GABRG1: variants seen among roughly 807,000 people sequenced by gnomAD.
The protein encoded by GABRG1 is gamma-aminobutyric acid receptor subunit gamma-1.
GABRG1 carries 49 observed loss-of-function variants against 49.8 expected under a neutral mutation model. That is an observed-to-expected ratio of 0.98 (90% CI 0.78 to 1.25). The LOEUF is 1.25. Among genes scored for constraint, GABRG1 ranks in the 50% most tolerant of loss-of-function variants. The probability of loss-of-function intolerance (pLI) is 0.00; values close to 1 mark genes in which losing one functional copy is unlikely to be tolerated. For missense variants in GABRG1, 552 were observed against 552.3 expected (o/e 1.00, Z 0.01); for synonymous variants, 232 against 185.1 (o/e 1.25, Z -2.06).
chr4:46,074,194 A>G lies in GABRG1; in HGVS notation c.322-8610T>C, dbSNP rs1719242816. 3.9e-5 allele frequency among the ~76,000 whole-genome samples: 6 copies of G among 152,284 alleles called. No homozygotes were observed. In the South Asian group the frequency reaches 1.2e-3, roughly 32 times the overall value. The stretch of plus-strand genomic sequence containing the variant: ...TTAATTGCTGTATGATCTGAATGGG[A>G]AAAGTGTTTCTACATCTGTGACTGC... On this transcript the variant is annotated intron_variant, in intron 3 of 8. Coordinates refer to ENST00000295452, the MANE Select transcript of GABRG1 (RefSeq NM_173536.4).
At chr4:46,091,230 A>G (rs1176899423) in intron 2 of GABRG1, among the ~76,000 whole-genome samples, 1 of 152,058 alleles carries the variant, frequency 6.6e-6, no homozygotes, top group Non-Finnish European at 1.5e-5. Context: ...GCAAAATAAA[A>G]GCTTTACCAA....
chr4:46,037,934 C>A lies in GABRG1; in HGVS notation c.*3054G>T, dbSNP rs537771093. On this transcript the variant is annotated 3_prime_UTR_variant, in exon 9 of 9. Coordinates refer to ENST00000295452, the MANE Select transcript of GABRG1 (RefSeq NM_173536.4). ...TTCAATTTTATTCTTGTTCTTGAGACAAAAACATTGTCTATTTTATGATGA... is the reference window on the plus strand; with the variant it reads ...TTCAATTTTATTCTTGTTCTTGAGAAAAAAACATTGTCTATTTTATGATGA... 4 of 151,574 alleles carry A rather than the reference C, an allele frequency of 2.6e-5. No individual in the cohort carries two copies. The highest frequency in any genetic ancestry group is 2.1e-4 in the South Asian group (1 of 4,818). The allele number at this position is 151,574 out of a possible 1,614,324, so 9.4% of individuals were successfully genotyped here.
chr4:46,108,077 A>T (rs1021426761), intron 1 of GABRG1, among the ~76,000 whole-genome samples: 36 of 151,330 alleles, frequency 2.4e-4, no homozygotes, highest in African/African-American at 7.0e-4. Context: ...CAGAAAAATT[A>T]TTATATTAGT....
intron 5 of GABRG1, among the ~76,000 whole-genome samples, chr4:46,059,452 T>A (rs1718586538): frequency 1.3e-5 from 2 of 152,028 alleles, no homozygotes; most frequent in Admixed American, 1.3e-4. Flanking sequence ...AGTGGCACGA[T>A]CTTGGCTCAC....
intron 1 of GABRG1, among the ~76,000 whole-genome samples, chr4:46,111,846 T>TTAA: frequency 6.6e-6 from 1 of 151,290 alleles, no homozygotes; most frequent in Admixed American, 6.6e-5. Flanking sequence ...TGACTCATGA[T>TTAA]AGATTAAAGG....
intron 8 of GABRG1, among the ~76,000 whole-genome samples, chr4:46,042,982 T>C (rs1717840754): frequency 6.6e-6 from 1 of 151,916 alleles, no homozygotes; most frequent in Non-Finnish European, 1.5e-5. Flanking sequence ...CATTCCTAAA[T>C]TTTAATGGAG....
rs777101499 is a variant in GABRG1, at chr4:46,123,804, A to C, written c.104+6T>G. On this transcript the variant is annotated splice_donor_region_variant and intron_variant, in intron 1 of 8. Coordinates refer to ENST00000295452, the MANE Select transcript of GABRG1 (RefSeq NM_173536.4). ...AGAATAGTTTTAAACCCCTGAATTT[A>C]CTCACCAGTTTCCCAAATGCAGGGT... 1 of 1,601,484 alleles carries C rather than the reference A, an allele frequency of 6.2e-7. No individual in the cohort carries two copies. Among genetic ancestry groups the C allele is most frequent in the African/African-American group, 1.3e-5 (1 of 74,766 alleles).
At chr4:46,113,470 G>A (rs1361369036) in intron 1 of GABRG1, among the ~76,000 whole-genome samples, 1 of 150,892 alleles carries the variant, frequency 6.6e-6, no homozygotes, top group Non-Finnish European at 1.5e-5. Flanking sequence ...CTTGACACTT[G>A]GGGATTATGG....
At chr4:46,071,742 A>C (rs1719131286) in intron 3 of GABRG1, among the ~76,000 whole-genome samples, 1 of 152,000 alleles carries the variant, frequency 6.6e-6, no homozygotes. Context: ...AAAAAATTGA[A>C]AAAAGCAAAA....
At chr4:46,057,679 T>C (rs1718504516) in intron 7 of GABRG1, among the ~76,000 whole-genome samples, 2 of 152,100 alleles carry the variant, frequency 1.3e-5, no homozygotes, top group Non-Finnish European at 2.9e-5. Context: ...CTCTCAAGTA[T>C]TCACAGAATA....
intron 5 of GABRG1, among the ~76,000 whole-genome samples, chr4:46,059,258 C>T (rs570256869): frequency 1.3e-5 from 2 of 152,188 alleles, no homozygotes; most frequent in Admixed American, 6.5e-5. Flanking sequence ...GCATGCCTCC[C>T]GAAACGTGGC....
chr4:46,085,883 A>G (rs1483597909), intron 2 of GABRG1, among the ~76,000 whole-genome samples: 4 of 151,622 alleles, frequency 2.6e-5, no homozygotes, highest in Non-Finnish European at 4.4e-5. Context: ...AAACTAAGAC[A>G]TTATATTTTA....
Position 46,097,283 on chromosome 4 carries a change from T to G in GABRG1, c.171A>C (p.Pro57=). 6.2e-7 allele frequency: 1 copy of G among 1,611,322 alleles called. No individual in the cohort carries two copies. Among genetic ancestry groups the G allele is most frequent in the Non-Finnish European group, 8.5e-7 (1 of 1,178,214 alleles). The part of the protein sequence containing the change: ...LTVNKTWVLA[P]KIHEGDITQI... ...GTGTGATATCTCCTTCATGAATTTT[T>G]GGGGCCAAGACCCAGGTTTTGTTCA... Residue 57 remains proline, a synonymous_variant, in exon 2 of 9, where the codon CCA becomes CCC. Transcript: ENST00000295452.
chr4:46,079,323 G>A (rs945398271), intron 3 of GABRG1, among the ~76,000 whole-genome samples: 17 of 151,764 alleles, frequency 1.1e-4, no homozygotes, highest in African/African-American at 3.6e-4. Flanking sequence ...CGTAACTGGT[G>A]CCCTTGTTCC....
At chr4:46,097,487 T>A in intron 1 of GABRG1, 138 bp from the exon 2 acceptor site, 1 of 726,096 alleles carries the variant, frequency 1.4e-6, no homozygotes, top group Non-Finnish European at 2.1e-6. Context: ...TTACATTTAG[T>A]AAGACCAATA....
intron 2 of GABRG1, among the ~76,000 whole-genome samples, chr4:46,090,912 A>T (rs1719960702): frequency 6.6e-6 from 1 of 150,684 alleles, no homozygotes; most frequent in East Asian, 2.0e-4. Context: ...GGCTATCAGG[A>T]CAGCTAGGAC....
At chr4:46,081,069 C>G (rs953552278) in intron 3 of GABRG1, among the ~76,000 whole-genome samples, 3 of 151,206 alleles carry the variant, frequency 2.0e-5, no homozygotes, top group African/African-American at 7.3e-5. Flanking sequence ...TTGGTTTCCA[C>G]GTCATTGTTT....
chr4:46,069,002 G>A (rs1027677980), intron 3 of GABRG1, among the ~76,000 whole-genome samples: 1 of 152,050 alleles, frequency 6.6e-6, no homozygotes, highest in Admixed American at 6.6e-5. Flanking sequence ...GAATAAATGT[G>A]AAGTGAGCCA....
chr4:46,063,742 C>G (rs990471688), intron 5 of GABRG1, among the ~76,000 whole-genome samples: 52 of 151,954 alleles, frequency 3.4e-4, no homozygotes, highest in Non-Finnish European at 6.2e-4. Context: ...AGTGAACAGG[C>G]AACCTACAAA....
Sources: allele counts gnomAD v4.1 joint callset (sites outside exome capture counted in the v4.1 genomes callset), GRCh38; gene constraint gnomAD v4.1.1; transcripts MANE v1.5; gene names NCBI Gene and HGNC (gene_info 2026-07-23, HGNC 2026-07-21).